RYR1: variants seen among roughly 807,000 people sequenced by gnomAD.
The protein encoded by RYR1 is central core disease of muscle.
A neutral mutation model predicts 583.5 loss-of-function variants in RYR1; 342 were observed. The ratio of observed to expected loss-of-function variants is 0.59; its 90% CI spans 0.54 to 0.64. The LOEUF is 0.64. Ranked by LOEUF, RYR1 falls within the 30% of genes least tolerant of loss-of-function variation. The pLI is 0.00. For synonymous variants in RYR1, 2,791 were observed against 2,822.5 expected (o/e 0.99, Z 0.35); for missense variants, 6,032 against 6,917.2 (o/e 0.87, Z 4.54).
At position 38,570,702 on chromosome 19, in the gene RYR1, C is replaced by T. The variant is rs749233889; in HGVS notation, c.13746+9C>T. On this transcript the variant is annotated intron_variant, in intron 94 of 105. Coordinates refer to ENST00000359596, the MANE Select transcript of RYR1 (RefSeq NM_000540.3). ...TCTTGCTGTTTTATAAGGTGCTGGT[C>T]CTGAAGGGCTGGGAGGGTCAGGCCC... 1 of 1,610,644 alleles carries T rather than the reference C, an allele frequency of 6.2e-7. No homozygotes were observed. Among genetic ancestry groups the T allele is most frequent in the Non-Finnish European group, 8.5e-7 (1 of 1,177,056 alleles).
chr19:38,519,434 C>T lies in RYR1; in HGVS notation c.10239C>T (p.Ile3413=). The T allele has an allele frequency of 6.3e-7, 1 of 1,599,128 alleles. No individual in the cohort carries two copies. The highest frequency in any genetic ancestry group is 8.5e-7 in the Non-Finnish European group (1 of 1,173,952). The change falls in exon 67 of 106, where the codon ATC becomes ATT. Residue 3413 remains isoleucine, a synonymous_variant. Coordinates refer to ENST00000359596, the MANE Select transcript of RYR1 (RefSeq NM_000540.3). ...RDLYALYPLL[I]RYVDNNRAQW... ...TCTACGCCCTGTATCCGCTGCTCAT[C>T]CGCTACGTGGACAACAACAGGTCAG...
At chr19:38,567,359 A>G (rs901618117) in intron 92 of RYR1, among the ~76,000 whole-genome samples, 1 of 151,994 alleles carries the variant, frequency 6.6e-6, no homozygotes, top group Non-Finnish European at 1.5e-5. Context: ...AGATAGAAAA[A>G]TGAAAACTCC....
chr19:38,528,153 A>C (rs1600932933), intron 73 of RYR1, 153 bp from the exon 74 acceptor site: 2 of 721,202 alleles, frequency 2.8e-6, no homozygotes, highest in African/African-American at 3.5e-5. Flanking sequence ...CGGAGTCAGG[A>C]CCCTGACTCT....
chr19:38,497,046 TG>T lies in RYR1; in HGVS notation c.6891+98del, dbSNP rs1382841665. The T allele has an allele frequency of 4.7e-6, 5 of 1,070,362 alleles. No homozygotes were observed. The African/African-American group carries it at 6.2e-5, about 13-fold the overall frequency. 66.3% of individuals were successfully genotyped at this position (1,070,362 alleles called of 1,614,324 possible). On this transcript the variant is annotated intron_variant, in intron 42 of 105. Coordinates refer to ENST00000359596, the MANE Select transcript of RYR1 (RefSeq NM_000540.3). ...ACACCTGCTGATTCCAAACTCATTC[TG>T]GGGGGCAATTCTGGATGGTCCAGTG... is the stretch of plus-strand genomic sequence containing the variant.
chr19:38,551,809 A>G (rs1044436618), intron 89 of RYR1, among the ~76,000 whole-genome samples: 1 of 152,032 alleles, frequency 6.6e-6, no homozygotes, highest in African/African-American at 2.4e-5. Flanking sequence ...GATCCCTCCT[A>G]GCCTCTTACC....
intron 89 of RYR1, among the ~76,000 whole-genome samples, chr19:38,551,025 C>CCTT (rs1972641767): frequency 2.4e-5 from 1 of 41,312 alleles, no homozygotes; most frequent in Admixed American, 3.7e-4. Flanking sequence ...GGATTCACGG[C>CCTT]TTTTTTTTTT....
intron 11 of RYR1, 113 bp downstream of exon 11, chr19:38,448,926 A>G: frequency 4.7e-6 from 5 of 1,059,826 alleles, no homozygotes; most frequent in Non-Finnish European, 5.6e-6. Context: ...CCTGGGTGAC[A>G]GAGTGAGATG....
chr19:38,509,450 A>ATTTTTTTTTTT (rs534650223), intron 58 of RYR1, among the ~76,000 whole-genome samples: 1 of 104,370 alleles, frequency 9.6e-6, no homozygotes, highest in Non-Finnish European at 2.0e-5. Flanking sequence ...TATTATTATT[A>ATTTTTTTTTTT]TTTTTTTTTT....
Position 38,512,172 on chromosome 19 carries a change from G to A in RYR1, c.9233+40G>A, listed in dbSNP as rs371923946. 16 of 1,613,522 alleles carry A rather than the reference G, an allele frequency of 9.9e-6. No homozygotes were observed. The African/African-American group carries it at 1.1e-4, about 11-fold the overall frequency. ...AGTGGCGCCCACTCCCACCATCATC[G>A]GGCCCCCACCCCAACCCCTGGTCTC... On this transcript the variant is annotated intron_variant, in intron 62 of 105. Coordinates refer to ENST00000359596, the MANE Select transcript of RYR1 (RefSeq NM_000540.3). The surrounding 1 kb of genome is among the most constrained non-coding windows in gnomAD (Gnocchi z 5.1).
intron 101 of RYR1, among the ~76,000 whole-genome samples, chr19:38,581,862 C>T (rs1891904107): frequency 1.3e-5 from 2 of 152,080 alleles, no homozygotes; most frequent in African/African-American, 4.8e-5. Context: ...CCCACCTCGG[C>T]CTCCCAAAGT....
At chr19:38,541,351 G>A (rs1182565064) in intron 84 of RYR1, among the ~76,000 whole-genome samples, 4 of 152,218 alleles carry the variant, frequency 2.6e-5, no homozygotes, top group African/African-American at 7.2e-5. Flanking sequence ...GTAAGGCAAT[G>A]TGAAACTTCT....
At position 38,517,352 on chromosome 19, in the gene RYR1, A is replaced by G; in HGVS notation, c.9686-7A>G. 1.2e-6 allele frequency: 2 copies of G among 1,612,390 alleles called. No homozygotes were observed. Among genetic ancestry groups the G allele is most frequent in the Non-Finnish European group, 1.7e-6 (2 of 1,179,858 alleles). On this transcript the variant is annotated splice_polypyrimidine_tract_variant and splice_region_variant and intron_variant, in intron 65 of 105. Coordinates refer to ENST00000359596, the MANE Select transcript of RYR1 (RefSeq NM_000540.3). Reference sequence around the variant, plus strand: ...TGACATTCCCTGCCCCCGTCCCTGTACCCCAGTCCTGGGGCTCCCCAACAG... The same window carrying G: ...TGACATTCCCTGCCCCCGTCCCTGTGCCCCAGTCCTGGGGCTCCCCAACAG...
chr19:38,463,965 G>A, intron 22 of RYR1, 115 bp downstream of exon 22: 2 of 823,124 alleles, frequency 2.4e-6, no homozygotes, highest in Non-Finnish European at 2.0e-6. Context: ...GGAGGGGACA[G>A]GGATTGTGAG....
Position 38,561,439 on chromosome 19 carries a change from G to A in RYR1, c.12609G>A (p.Gln4203=), listed in dbSNP as rs1973136051. The A allele has an allele frequency of 6.2e-7, 1 of 1,608,826 alleles. No homozygotes were observed. Among genetic ancestry groups the A allele is most frequent in the African/African-American group, 1.3e-5 (1 of 75,034 alleles). Residue 4203 remains glutamine, a synonymous_variant, in exon 90 of 106, where the codon CAG becomes CAA. Transcript: ENST00000359596. The surrounding 1 kb of genome is among the most constrained non-coding windows in gnomAD (Gnocchi z 4.8). ...YFEISETNRA[Q]WEMPQVKESK... ...AGATCTCAGAGACCAACCGCGCCCA[G>A]TGGGAGATGCCCCAGGTCAGGGAAC...
Position 38,485,862 on chromosome 19 carries a change from C to T in RYR1, c.5207C>T (p.Pro1736Leu). Residue 1736 changes from proline (P) to leucine (L), a missense_variant, in exon 34 of 106, where the codon CCC (proline) becomes CTC (leucine). Pro to Leu is a moderately conservative substitution (Grantham distance 98). Coordinates refer to ENST00000359596, the MANE Select transcript of RYR1 (RefSeq NM_000540.3). ...RRSMLSEYIV[P>L]LTPETRAITL... ...TCCATGCTCTCTGAATACATCGTGC[C>T]CCTCACGCCTGAGACCCGCGCCATC... 6.2e-7 allele frequency: 1 copy of T among 1,613,818 alleles called. No homozygotes were observed. The highest frequency in any genetic ancestry group is 8.5e-7 in the Non-Finnish European group (1 of 1,179,994).
chr19:38,504,978 T>G (rs1380783345), intron 51 of RYR1, 25 bp from the exon 52 acceptor site: 5 of 1,613,954 alleles, frequency 3.1e-6, no homozygotes, highest in Non-Finnish European at 4.2e-6. Flanking sequence ...AGCTCCAACA[T>G]CTGCTGACCC....
Position 38,510,755 on chromosome 19 carries a change from T to A in RYR1, c.9096T>A (p.Ser3032=), listed in dbSNP as rs144067910. The change falls in exon 60 of 106, where the codon TCT becomes TCA. Residue 3032 remains serine, a synonymous_variant. Coordinates refer to ENST00000359596, the MANE Select transcript of RYR1 (RefSeq NM_000540.3). ...TGCTGGGCAGCGGTGGCCACGCCTC[T>A]AACAAGGAGAAGGAAATGATCACCA... ...AKVLGSGGHA[S]NKEKEMITSL... The A allele has an allele frequency of 3.9e-5, 63 of 1,614,054 alleles. No individual in the cohort carries two copies. The highest frequency in any genetic ancestry group is 5.2e-5 in the Non-Finnish European group (61 of 1,180,018).
intron 65 of RYR1, among the ~76,000 whole-genome samples, chr19:38,516,828 T>C (rs1022095039): frequency 1.3e-5 from 2 of 152,182 alleles, no homozygotes; most frequent in Non-Finnish European, 2.9e-5. Flanking sequence ...CCCTGAGTCC[T>C]GGGTCCAGAG....
At chr19:38,564,744 G>A (rs1343331139) in intron 90 of RYR1, among the ~76,000 whole-genome samples, 1 of 152,168 alleles carries the variant, frequency 6.6e-6, no homozygotes, top group Non-Finnish European at 1.5e-5. Context: ...TCGAACTCCT[G>A]ACCCCAAGTG....
Sources: gnomAD v4.1 joint callset for allele counts (sites outside exome capture counted in the v4.1 genomes callset) on GRCh38, gnomAD v4.1.1 for gene constraint, Gnocchi (gnomAD v3.1) non-coding constraint, MANE v1.5 for transcripts, NCBI Gene and HGNC (gene_info 2026-07-23, HGNC 2026-07-21) for gene names.